Variants in MAST2 observed in about 807,000 individuals in gnomAD.
The protein encoded by MAST2 is microtubule-associated serine/threonine-protein kinase 2.
Under a neutral mutation model 147.4 loss-of-function variants are expected in MAST2, and 70 were observed. The observed-to-expected ratio is 0.47, with a 90% confidence interval of 0.39 to 0.58. The LOEUF is 0.58. MAST2 is among the 20% of genes least tolerant of loss of function. MAST2 has a pLI of 0.00. For missense variants in MAST2, 2,080 were observed against 2,302.3 expected (o/e 0.90, Z 1.98); for synonymous variants, 869 against 896.8 (o/e 0.97, Z 0.55).
At chr1:45,926,754 T>G (rs1468901156) in intron 4 of MAST2, among the ~76,000 whole-genome samples, 1 of 152,120 alleles carries the variant, frequency 6.6e-6, no homozygotes, top group Non-Finnish European at 1.5e-5. Context: ...GATTTTTTTT[T>G]TTTGTTTTTT....
intron 5 of MAST2, among the ~76,000 whole-genome samples, chr1:45,980,931 T>C (rs1203184552): frequency 6.6e-6 from 1 of 152,164 alleles, no homozygotes; most frequent in Non-Finnish European, 1.5e-5. Flanking sequence ...ACTGTCCAGA[T>C]AGAGCCAATT....
intron 27 of MAST2, 49 bp from the exon 28 acceptor site, chr1:46,034,024 T>C: frequency 6.2e-7 from 1 of 1,605,822 alleles, no homozygotes; most frequent in Non-Finnish European, 8.5e-7. Context: ...GGGTCCAGTG[T>C]GTGCTGTGCT....
rs548157162 is a variant in MAST2, at chr1:45,817,611, T to C, written c.178-6822T>C. On this transcript the variant is annotated intron_variant, in intron 1 of 28. Coordinates refer to ENST00000361297, the MANE Select transcript of MAST2 (RefSeq NM_015112.3). The stretch of plus-strand genomic sequence containing the variant: ...TCAATCTGAAAGAAAAGGATGTTAA[T>C]GAGCAATAAGAAATCATCTGAAGGT... Among the ~76,000 whole-genome samples the C allele has an allele frequency of 5.5e-4, 83 of 152,274 alleles. 2 individuals are homozygous for C. The highest frequency in any genetic ancestry group is 1.4e-3 in the Admixed American group (21 of 15,282).
chr1:45,895,449 A>C (rs1386194417), intron 4 of MAST2, among the ~76,000 whole-genome samples: 1 of 152,228 alleles, frequency 6.6e-6, no homozygotes. Context: ...AGTTATGTAA[A>C]GAAAAATTGA....
In MAST2 at chr1:46,034,559, G is replaced by A. The variant is rs1646820121; in HGVS notation, c.3890G>A (p.Ser1297Asn). Residue 1297 changes from serine (S) to asparagine (N), a missense_variant, in exon 29 of 29, where the codon AGC (serine) becomes AAC (asparagine). Transcript: ENST00000361297. ...AAAGTGGGAGGGAATTCATCACAGAGCAGCTCCCCCAGCTCCAGCGTGCCC... is the reference window on the plus strand; with the variant it reads ...AAAGTGGGAGGGAATTCATCACAGAACAGCTCCCCCAGCTCCAGCGTGCCC... ...VHSVGGNSSQ[S>N]SSPSSSVPSS... 2 of 1,613,630 alleles carry A rather than the reference G, an allele frequency of 1.2e-6. No homozygotes were observed. Among genetic ancestry groups the A allele is most frequent in the East Asian group, 2.2e-5 (1 of 44,878 alleles).
intron 10 of MAST2, among the ~76,000 whole-genome samples, chr1:46,015,128 G>A (rs931083284): frequency 4.6e-5 from 7 of 151,132 alleles, no homozygotes; most frequent in Admixed American, 3.3e-4. Flanking sequence ...TGAAACCAAC[G>A]AGAACAAAGA....
chr1:45,821,004 A>G (rs1368211479), intron 1 of MAST2, among the ~76,000 whole-genome samples: 1 of 147,860 alleles, frequency 6.8e-6, no homozygotes, highest in African/African-American at 2.5e-5. Context: ...GGCTCAAGCA[A>G]TTTTCTTGCC....
intron 11 of MAST2, among the ~76,000 whole-genome samples, chr1:46,019,899 G>A (rs572444903): frequency 6.6e-6 from 1 of 152,352 alleles, no homozygotes; most frequent in East Asian, 1.9e-4. Context: ...GCGGCAGGGA[G>A]AATTATTAGT....
chr1:46,014,701 C>G (rs1173331846), intron 10 of MAST2, among the ~76,000 whole-genome samples: 1 of 151,992 alleles, frequency 6.6e-6, no homozygotes, highest in Non-Finnish European at 1.5e-5. Context: ...TACAAAGAGA[C>G]TTAGACTCCC....
Position 45,900,444 on chromosome 1 carries a change from A to ATTTTTTTTTT in MAST2, c.500+18050_500+18051insTTTTTTTTTT. On this transcript the variant is annotated intron_variant, in intron 4 of 28. Coordinates refer to ENST00000361297, the MANE Select transcript of MAST2 (RefSeq NM_015112.3). ...TTTCTCTGATGATTAGTGATGTTGG[A>ATTTTTTTTTT]TATTTTTTTTTTTTTTTTTTTTTTT... Among the ~76,000 whole-genome samples, 2 of 14,864 alleles carry ATTTTTTTTTT rather than the reference A, an allele frequency of 1.3e-4. 1 individual carries two copies. Among genetic ancestry groups the ATTTTTTTTTT allele is most frequent in the Non-Finnish European group, 2.0e-4 (2 of 10,062 alleles). 9.8% of individuals were successfully genotyped at this position (14,864 alleles called of 152,430 possible). A position where few individuals can be genotyped will look rare whatever the true frequency, so the allele number is the denominator to read the frequency against.
intron 4 of MAST2, among the ~76,000 whole-genome samples, chr1:45,888,856 A>G (rs1350065621): frequency 3.4e-5 from 5 of 148,014 alleles, no homozygotes; most frequent in Non-Finnish European, 7.4e-5. Context: ...AATTTTTTGT[A>G]TTTTTAGTAG....
chr1:45,953,633 G>A (rs150114572), intron 4 of MAST2, among the ~76,000 whole-genome samples: 2 of 152,198 alleles, frequency 1.3e-5, no homozygotes, highest in Non-Finnish European at 2.9e-5. Flanking sequence ...GTAGTTGAAG[G>A]AAGGACATTG....
At chr1:45,821,797 G>A (rs1020456862) in intron 1 of MAST2, among the ~76,000 whole-genome samples, 9 of 151,064 alleles carry the variant, frequency 6.0e-5, no homozygotes, top group African/African-American at 1.5e-4. Flanking sequence ...GATTACAGGC[G>A]TGAGCCATGG....
chr1:46,027,649 T>C lies in MAST2; in HGVS notation c.1920-82T>C, dbSNP rs1380641419. 4.5e-5 allele frequency: 66 copies of C among 1,458,908 alleles called. No individual in the cohort carries two copies. In the East Asian group the frequency reaches 1.5e-3, roughly 34 times the overall value. The allele number at this position is 1,458,908 out of a possible 1,614,324, so 90.4% of individuals were successfully genotyped here. A position where few individuals can be genotyped will look rare whatever the true frequency, so the allele number is the denominator to read the frequency against. Reference sequence around the variant, plus strand: ...CACAGTACCCCCATGGAAGCCTGAGTGGGGAAACTGGGCATATACTAAAAT... The same window carrying C: ...CACAGTACCCCCATGGAAGCCTGAGCGGGGAAACTGGGCATATACTAAAAT... On this transcript the variant is annotated intron_variant, in intron 16 of 28. Coordinates refer to ENST00000361297, the MANE Select transcript of MAST2 (RefSeq NM_015112.3).
At position 46,030,612 on chromosome 1, in the gene MAST2, CA is replaced by C; in HGVS notation, c.2560del (p.Ser854AlafsTer22). On this transcript the variant is annotated frameshift_variant, in exon 22 of 29. Coordinates refer to ENST00000361297, the MANE Select transcript of MAST2 (RefSeq NM_015112.3). LOFTEE classifies it high-confidence loss of function. ...CGCATCCCCTGTGCCCACAGGTGTA[CA>C]GCAGCATGGAGCGGCTCTCACTGCT... Reference protein sequence around the residue: ...SCSPRFNKVYSSMERLSLLEE... With the variant: ...SCSPRFNKVYXSMERLSLLEE... 1 of 1,609,048 alleles carries C rather than the reference CA, an allele frequency of 6.2e-7. No homozygotes were observed. Among genetic ancestry groups the C allele is most frequent in the Non-Finnish European group, 8.5e-7 (1 of 1,178,486 alleles).
At chr1:45,849,967 A>G (rs567387926) in intron 3 of MAST2, among the ~76,000 whole-genome samples, 9 of 152,346 alleles carry the variant, frequency 5.9e-5, no homozygotes, top group African/African-American at 1.9e-4. Context: ...ATATTTACCC[A>G]GTAATAGGAT....
intron 5 of MAST2, among the ~76,000 whole-genome samples, chr1:45,990,297 T>C (rs988396997): frequency 3.9e-5 from 6 of 152,352 alleles, no homozygotes; most frequent in African/African-American, 1.4e-4. Flanking sequence ...TGCCAAATGA[T>C]GTTGAGAATC....
At chr1:45,875,402 C>T (rs1378020079) in intron 3 of MAST2, among the ~76,000 whole-genome samples, 15 of 152,046 alleles carry the variant, frequency 9.9e-5, no homozygotes, top group East Asian at 7.7e-4. Flanking sequence ...GCCAAGATCG[C>T]GCCACTGCAC....
intron 3 of MAST2, among the ~76,000 whole-genome samples, chr1:45,869,656 G>A (rs1228673181): frequency 6.6e-6 from 1 of 152,102 alleles, no homozygotes; most frequent in Non-Finnish European, 1.5e-5. Flanking sequence ...ACTCTTGATG[G>A]TGTGTTATAC....
Sources: gnomAD v4.1 joint callset for allele counts (sites outside exome capture counted in the v4.1 genomes callset) on GRCh38, gnomAD v4.1.1 for gene constraint, MANE v1.5 for transcripts, NCBI Gene and HGNC (gene_info 2026-07-23, HGNC 2026-07-21) for gene names.